NEO1: variants seen among roughly 807,000 people sequenced by gnomAD.
NEO1 encodes the protein neogenin 1.
Under a neutral mutation model 159.7 loss-of-function variants are expected in NEO1, and 63 were observed. That is an observed-to-expected ratio of 0.39 (90% CI 0.32 to 0.49). The LOEUF is 0.49. NEO1 is among the 20% of genes least tolerant of loss of function. The probability of loss-of-function intolerance (pLI) is 0.85; values close to 1 mark genes in which losing one functional copy is unlikely to be tolerated. For missense variants in NEO1, 1,615 were observed against 1,831.0 expected (o/e 0.88, Z 2.15); for synonymous variants, 633 against 662.0 (o/e 0.96, Z 0.67).
chr15:73,294,025 C>G (rs776241819), intron 26 of NEO1, among the ~76,000 whole-genome samples: 1 of 152,154 alleles, frequency 6.6e-6, no homozygotes, highest in Non-Finnish European at 1.5e-5. Flanking sequence ...GGGCCACCAG[C>G]CACGAGGAGT....
chr15:73,180,712 A>G (rs1362162341), intron 7 of NEO1, among the ~76,000 whole-genome samples: 11 of 152,142 alleles, frequency 7.2e-5, no homozygotes, highest in Admixed American at 7.2e-4. Context: ...AAATATTTGG[A>G]TAGTGTTAAA....
intron 25 of NEO1, among the ~76,000 whole-genome samples, chr15:73,291,825 AAT>A (rs1454776677): frequency 2.0e-5 from 3 of 152,144 alleles, no homozygotes; most frequent in Non-Finnish European, 1.5e-5. Context: ...GGAAAAAGTC[AAT>A]TTTGTTTTTC....
intron 1 of NEO1, among the ~76,000 whole-genome samples, chr15:73,070,633 C>CA (rs2068485344): frequency 6.6e-6 from 1 of 152,182 alleles, no homozygotes; most frequent in South Asian, 2.1e-4. Flanking sequence ...GCCTTGAAAC[C>CA]ATGGATAGTA....
chr15:73,130,314 C>CCCCG (rs2030941416), intron 4 of NEO1, among the ~76,000 whole-genome samples: 1 of 149,638 alleles, frequency 6.7e-6, no homozygotes, highest in South Asian at 2.2e-4. Context: ...TCCCGCCCCC[C>CCCCG]CCGCCGCATA....
intron 7 of NEO1, among the ~76,000 whole-genome samples, chr15:73,197,881 A>G (rs761731996): frequency 9.2e-5 from 14 of 151,768 alleles, no homozygotes; most frequent in Non-Finnish European, 2.1e-4. Flanking sequence ...GGGTTTTACA[A>G]TGTTGGTCAG....
chr15:73,270,517 C>T, intron 18 of NEO1, 63 bp downstream of exon 18: 1 of 1,506,254 alleles, frequency 6.6e-7, no homozygotes, highest in South Asian at 1.3e-5. Context: ...GAATTGAGTG[C>T]CTGAATTGAC....
rs74689733 is a variant in NEO1 at position 73,175,909 on chromosome 15, C to A, written c.1016-494C>A. 8.7e-4 allele frequency among the ~76,000 whole-genome samples: 133 copies of A among 152,266 alleles called. 3 individuals are homozygous for A. In the East Asian group the frequency reaches 0.021, roughly 24 times the overall value. On this transcript the variant is annotated intron_variant, in intron 5 of 28. Transcript: ENST00000261908. ...AAAACCATTGCATATAATGAGGGAT[C>A]TTAGTAATAGGAGTGTGTTGCATGA...
chr15:73,204,277 T>C (rs547963211), intron 7 of NEO1, among the ~76,000 whole-genome samples: 2 of 152,168 alleles, frequency 1.3e-5, no homozygotes, highest in African/African-American at 4.8e-5. Context: ...TTCTGCAGTT[T>C]GGGTATGATG....
intron 1 of NEO1, among the ~76,000 whole-genome samples, chr15:73,113,772 A>G (rs145225076): frequency 1.1e-3 from 171 of 152,274 alleles, no homozygotes; most frequent in African/African-American, 3.7e-3. Context: ...AAAACATCCC[A>G]TAGTAACTAA....
chr15:73,110,264 T>A (rs1324575784), intron 1 of NEO1, among the ~76,000 whole-genome samples: 1 of 152,138 alleles, frequency 6.6e-6, no homozygotes, highest in Non-Finnish European at 1.5e-5. Context: ...CAGTAGTGTC[T>A]TAGCTTATGA....
chr15:73,277,263 T>C (rs1264731116), intron 21 of NEO1, among the ~76,000 whole-genome samples: 4 of 152,226 alleles, frequency 2.6e-5, no homozygotes, highest in African/African-American at 9.6e-5. Context: ...TGATATTGCT[T>C]TCTGGGTATA....
At chr15:73,274,901 T>A (rs1001703991) in intron 21 of NEO1, among the ~76,000 whole-genome samples, 177 bp downstream of exon 21, 8 of 152,088 alleles carry the variant, frequency 5.3e-5, no homozygotes, top group African/African-American at 1.9e-4. Context: ...GGGGAATTTA[T>A]GTAGAAGCTA....
At chr15:73,181,109 A>C (rs2035583068) in intron 7 of NEO1, among the ~76,000 whole-genome samples, 1 of 152,190 alleles carries the variant, frequency 6.6e-6, no homozygotes, top group Non-Finnish European at 1.5e-5. Flanking sequence ...TCCCCTTTGT[A>C]ATAGGCCTTG....
Position 73,135,998 on chromosome 15 carries a change from T to G in NEO1, c.986T>G (p.Ile329Ser). 6.2e-7 allele frequency: 1 copy of G among 1,611,464 alleles called. No homozygotes were observed. The highest frequency in any genetic ancestry group is 8.5e-7 in the Non-Finnish European group (1 of 1,179,108). Residue 329 changes from isoleucine to serine, a missense_variant, in exon 5 of 29, where the codon ATT becomes AGT. Transcript: ENST00000261908. ...FCIADNGNETIEAQAELTVQA... is the reference protein window; with the variant it reads ...FCIADNGNETSEAQAELTVQA... ...ATAGCTGATAATGGAAATGAGACAA[T>G]TGAAGCTCAAGCAGAGCTTACAGTG...
chr15:73,257,306 A>G (rs990122229), intron 13 of NEO1, among the ~76,000 whole-genome samples: 1 of 150,778 alleles, frequency 6.6e-6, no homozygotes, highest in Non-Finnish European at 1.5e-5. Flanking sequence ...CCATGAGGAG[A>G]TTATTCATTT....
intron 7 of NEO1, among the ~76,000 whole-genome samples, chr15:73,227,312 A>G (rs1327830734): frequency 6.6e-6 from 1 of 152,178 alleles, no homozygotes; most frequent in East Asian, 1.9e-4. Flanking sequence ...CCTGACCAAC[A>G]TGGTGAAACC....
intron 7 of NEO1, among the ~76,000 whole-genome samples, chr15:73,232,290 G>A (rs771927277): frequency 7.2e-5 from 11 of 152,074 alleles, no homozygotes; most frequent in Non-Finnish European, 1.5e-4. Context: ...TTTTTGTTGA[G>A]TATTTAGTTT....
intron 27 of NEO1, among the ~76,000 whole-genome samples, chr15:73,300,469 C>T (rs2042569188): frequency 6.6e-6 from 1 of 152,354 alleles, no homozygotes; most frequent in Non-Finnish European, 1.5e-5. Context: ...GTGGCTCACG[C>T]TTGTAATCCC....
intron 27 of NEO1, 87 bp downstream of exon 27, chr15:73,298,698 A>G (rs2042476354): frequency 6.6e-7 from 1 of 1,517,906 alleles, no homozygotes; most frequent in East Asian, 2.3e-5. Flanking sequence ...CCCTTCTTTG[A>G]AGTATAGCAA....
Sources: allele counts gnomAD v4.1 joint callset (sites outside exome capture counted in the v4.1 genomes callset), GRCh38; gene constraint gnomAD v4.1.1; transcripts MANE v1.5; gene names NCBI Gene and HGNC (gene_info 2026-07-23, HGNC 2026-07-21).